Variants in CCDC71 observed in about 807,000 individuals in gnomAD.
The protein encoded by CCDC71 is coiled-coil domain containing 71.
For missense variants in CCDC71, 594 were observed against 604.0 expected (o/e 0.98, Z 0.17); for synonymous variants, 257 against 242.2 (o/e 1.06, Z -0.57).
At chr3:49,164,919 C>T (rs989904114) in intron 1 of CCDC71, among the ~76,000 whole-genome samples, 3 of 152,096 alleles carry the variant, frequency 2.0e-5, no homozygotes, top group Non-Finnish European at 1.5e-5. Context: ...GCCAAAGGGC[C>T]CAGACTTACA....
chr3:49,164,370 CAG>C, intron 1 of CCDC71, 110 bp from the exon 2 acceptor site: 1 of 664,132 alleles, frequency 1.5e-6, no homozygotes. Context: ...GGAATCTGGC[CAG>C]AGTGAGACAC....
At chr3:49,165,733 T>C (rs891152577) in intron 1 of CCDC71, among the ~76,000 whole-genome samples, 3 of 152,274 alleles carry the variant, frequency 2.0e-5, no homozygotes, top group African/African-American at 4.8e-5. Flanking sequence ...CTGTGAACTG[T>C]AGAAGAGAGA....
chr3:49,164,864 T>C (rs1186602203), intron 1 of CCDC71, among the ~76,000 whole-genome samples: 1 of 152,010 alleles, frequency 6.6e-6, no homozygotes, highest in Non-Finnish European at 1.5e-5. Context: ...GGGATCTAGG[T>C]GAAAAAACAG....
rs760460920 is a variant in CCDC71 at position 49,162,605 on chromosome 3, G to A, written c.*200C>T. ...TGAATAACAAGTCACAGTGCATCGC[G>A]CCATGAAAACACCCCTCCCGCCCAC... On this transcript the variant is annotated 3_prime_UTR_variant, in exon 2 of 2. Transcript: ENST00000321895. The A allele has an allele frequency of 1.1e-4, 63 of 589,900 alleles. No homozygotes were observed. The highest frequency in any genetic ancestry group is 2.7e-4 in the Admixed American group (9 of 33,390). 36.5% of individuals were successfully genotyped at this position (589,900 alleles called of 1,614,324 possible). A position where few individuals can be genotyped will look rare whatever the true frequency, so the allele number is the denominator to read the frequency against.
intron 1 of CCDC71, among the ~76,000 whole-genome samples, chr3:49,164,508 G>A (rs1410335893): frequency 2.0e-5 from 3 of 152,130 alleles, no homozygotes; most frequent in Non-Finnish European, 2.9e-5. Context: ...ACCTGCTGCC[G>A]GGTCCCTGAA....
chr3:49,162,736 T>C lies in CCDC71; in HGVS notation c.*69A>G, dbSNP rs2045697921. 6 of 1,470,978 alleles carry C rather than the reference T, an allele frequency of 4.1e-6. No homozygotes were observed. Among genetic ancestry groups the C allele is most frequent in the South Asian group, 2.6e-5 (2 of 77,916 alleles). The allele number at this position is 1,470,978 out of a possible 1,614,324, so 91.1% of individuals were successfully genotyped here. The stretch of plus-strand genomic sequence containing the variant: ...CTCAAGATTGTGGAGTCCACGGACA[T>C]AGCACACTGTGCCACTAGCCACACA... On this transcript the variant is annotated 3_prime_UTR_variant, in exon 2 of 2. Transcript: ENST00000321895.
intron 1 of CCDC71, among the ~76,000 whole-genome samples, chr3:49,165,838 G>C (rs1256949871): frequency 1.3e-5 from 2 of 152,232 alleles, no homozygotes; most frequent in Non-Finnish European, 2.9e-5. Context: ...TCTTGGGAGG[G>C]GTTTTCTGGG....
Position 49,163,180 on chromosome 3 carries a change from CTTGGCCTTGGCCCATGCTGCCATGACT to C in CCDC71, c.1002_1028del (p.Val335_Lys343del), listed in dbSNP as rs773541022. The C allele has an allele frequency of 8.3e-6, 13 of 1,568,700 alleles. No homozygotes were observed. Among genetic ancestry groups the C allele is most frequent in the Admixed American group, 5.2e-5 (3 of 57,206 alleles). ...TGGCCCGTACTGCCTTGGCTTTAGC[CTTGGCCTTGGCCCATGCTGCCATGACT>C]TTGGCCTTGGCCTTGACCTGTGCTG... On this transcript the variant is annotated inframe_deletion, in exon 2 of 2. Coordinates refer to ENST00000321895, the MANE Select transcript of CCDC71 (RefSeq NM_022903.4).
At position 49,166,018 on chromosome 3, in the gene CCDC71, C is replaced by T. The variant is rs2045722312; in HGVS notation, c.-53+249G>A. 6.6e-6 allele frequency among the ~76,000 whole-genome samples: 1 copy of T among 152,186 alleles called. No homozygotes were observed. Among genetic ancestry groups the T allele is most frequent in the Admixed American group, 6.5e-5 (1 of 15,280 alleles). On this transcript the variant is annotated intron_variant, in intron 1 of 1. Coordinates refer to ENST00000321895, the MANE Select transcript of CCDC71 (RefSeq NM_022903.4). The surrounding 1 kb of genome is among the most constrained non-coding windows in gnomAD (Gnocchi z 4.0). ...GGGCCCTCAGGCTGGGAATGCACGT[C>T]CTTAGGGCCCAAGCCGTGAGGCGGG...
chr3:49,162,857 T>C lies in CCDC71; in HGVS notation c.1352A>G (p.Asn451Ser). The change falls in exon 2 of 2, where the codon AAC becomes AGC. Residue 451 changes from asparagine (N) to serine (S), a missense_variant. Asn to Ser is a conservative substitution (Grantham distance 46, BLOSUM62 1). Coordinates refer to ENST00000321895, the MANE Select transcript of CCDC71 (RefSeq NM_022903.4). Reference protein sequence around the residue: ...RQRAQRILRVNLSPVIRLQPL... With the variant: ...RQRAQRILRVSLSPVIRLQPL... ...CTGGAGCCGTATTACAGGTGACAGG[T>C]TCACGCGGAGGATCCGCTGAGCCCG... 6.2e-7 allele frequency: 1 copy of C among 1,613,958 alleles called. No homozygotes were observed. The highest frequency in any genetic ancestry group is 8.5e-7 in the Non-Finnish European group (1 of 1,180,006).
chr3:49,163,506 C>T lies in CCDC71; in HGVS notation c.703G>A (p.Gly235Ser), dbSNP rs771846697. 1 of 1,614,212 alleles carries T rather than the reference C, an allele frequency of 6.2e-7. No homozygotes were observed. Among genetic ancestry groups the T allele is most frequent in the South Asian group, 1.1e-5 (1 of 91,088 alleles). Reference protein sequence around the residue: ...PKAPRKTTSKGPKCLTRKGPG... With the variant: ...PKAPRKTTSKSPKCLTRKGPG... The stretch of plus-strand genomic sequence containing the variant: ...CCTTTGCGAGTCAGACACTTGGGGC[C>T]CTTGCTTGTGGTTTTTCTGGGAGCT... The change falls in exon 2 of 2, where the codon GGC becomes AGC. Residue 235 changes from glycine (G) to serine (S), a missense_variant. Gly to Ser is a moderately conservative substitution (Grantham distance 56). Coordinates refer to ENST00000321895, the MANE Select transcript of CCDC71 (RefSeq NM_022903.4).
chr3:49,163,142 G>A lies in CCDC71; in HGVS notation c.1067C>T (p.Ala356Val). 3.1e-6 allele frequency: 5 copies of A among 1,614,152 alleles called. No individual in the cohort carries two copies. Among genetic ancestry groups the A allele is most frequent in the Non-Finnish European group, 4.2e-6 (5 of 1,180,014 alleles). Residue 356 changes from alanine to valine, a missense_variant, in exon 2 of 2, where the codon GCT (alanine) becomes GTT (valine). Physicochemically the swap from Ala to Val is moderately conservative, Grantham distance 64 (BLOSUM62 0). Transcript: ENST00000321895. Reference protein sequence around the residue: ...AKAVRAKAKVARTQPRGRGRP... With the variant: ...AKAVRAKAKVVRTQPRGRGRP... ...GCCTCTGCCCCTGGGCTGGGTCCGAGCCACCTTGGCCTTGGCCCGTACTGC... is the reference window on the plus strand; with the variant it reads ...GCCTCTGCCCCTGGGCTGGGTCCGAACCACCTTGGCCTTGGCCCGTACTGC...
At position 49,163,576 on chromosome 3, in the gene CCDC71, T is replaced by C. The variant is rs747664453; in HGVS notation, c.633A>G (p.Lys211=). ...LQLSLADSPL[K]LRKSSGKGPG... is the part of the protein sequence containing the mutation. Reference sequence around the variant, plus strand: ...GACCCTTCCCTGAACTTTTCCGCAGTTTCAGAGGAGAGTCTGCAAGTGAGA... The same window carrying C: ...GACCCTTCCCTGAACTTTTCCGCAGCTTCAGAGGAGAGTCTGCAAGTGAGA... The change falls in exon 2 of 2, where the codon AAA becomes AAG. Residue 211 remains lysine, a synonymous_variant. Coordinates refer to ENST00000321895, the MANE Select transcript of CCDC71 (RefSeq NM_022903.4). The C allele has an allele frequency of 6.2e-7, 1 of 1,614,188 alleles. No individual in the cohort carries two copies. Among genetic ancestry groups the C allele is most frequent in the South Asian group, 1.1e-5 (1 of 91,082 alleles).
At position 49,162,730 on chromosome 3, in the gene CCDC71, C is replaced by T. The variant is rs1476360496; in HGVS notation, c.*75G>A. On this transcript the variant is annotated 3_prime_UTR_variant, in exon 2 of 2. Transcript: ENST00000321895. ...GGAGTCCTCAAGATTGTGGAGTCCA[C>T]GGACATAGCACACTGTGCCACTAGC... 1.5e-5 allele frequency: 21 copies of T among 1,371,236 alleles called. No individual in the cohort carries two copies. Among genetic ancestry groups the T allele is most frequent in the African/African-American group, 5.9e-5 (4 of 68,328 alleles). 84.9% of individuals were successfully genotyped at this position (1,371,236 alleles called of 1,614,324 possible).
In CCDC71 at chr3:49,162,551, G is replaced by C; in HGVS notation, c.*254C>G. The stretch of plus-strand genomic sequence containing the variant: ...ACTGGAAGGTGGAAAGGTATAAAAC[G>C]TGATAGATGGAACAGTAGACATACA... On this transcript the variant is annotated 3_prime_UTR_variant, in exon 2 of 2. Transcript: ENST00000321895. The C allele has an allele frequency of 1.8e-6, 1 of 553,966 alleles. No individual in the cohort carries two copies. The highest frequency in any genetic ancestry group is 3.2e-6 in the Non-Finnish European group (1 of 310,310). 34.3% of individuals were successfully genotyped at this position (553,966 alleles called of 1,614,324 possible).
intron 1 of CCDC71, among the ~76,000 whole-genome samples, chr3:49,165,665 C>A (rs2107655032): frequency 6.6e-6 from 1 of 152,394 alleles, no homozygotes; most frequent in South Asian, 2.1e-4. Context: ...CAAGCACAAT[C>A]CTTGCACATG....
At position 49,163,586 on chromosome 3, in the gene CCDC71, G is replaced by A. The variant is rs769387620; in HGVS notation, c.623C>T (p.Ser208Phe). 2 of 1,614,238 alleles carry A rather than the reference G, an allele frequency of 1.2e-6. No individual in the cohort carries two copies. The highest frequency in any genetic ancestry group is 1.7e-6 in the Non-Finnish European group (2 of 1,180,046). The change falls in exon 2 of 2, where the codon TCT (serine) becomes TTT (phenylalanine). Residue 208 changes from serine to phenylalanine, a missense_variant. By Grantham distance (155) the Ser-to-Phe change is radical (BLOSUM62 -2). Transcript: ENST00000321895. Reference protein sequence around the residue: ...AQSLQLSLADSPLKLRKSSGK... With the variant: ...AQSLQLSLADFPLKLRKSSGK... ...TGAACTTTTCCGCAGTTTCAGAGGA[G>A]AGTCTGCAAGTGAGAGCTGCAGTGA...
Position 49,164,098 on chromosome 3 carries a change from C to T in CCDC71, c.111G>A (p.Met37Ile). The change falls in exon 2 of 2, where the codon ATG (methionine) becomes ATA (isoleucine). Residue 37 changes from methionine to isoleucine, a missense_variant. Transcript: ENST00000321895. ...LEEALLVFNP[M>I]SQDLSATEAQ... ...CCTCTGTGGCACTGAGATCCTGGCT[C>T]ATTGGGTTAAAGACAAGCAGTGCCT... 1 of 1,614,046 alleles carries T rather than the reference C, an allele frequency of 6.2e-7. No homozygotes were observed. Among genetic ancestry groups the T allele is most frequent in the South Asian group, 1.1e-5 (1 of 91,082 alleles).
chr3:49,165,541 C>G (rs1161660227), intron 1 of CCDC71, among the ~76,000 whole-genome samples: 2 of 152,254 alleles, frequency 1.3e-5, no homozygotes, highest in African/African-American at 2.4e-5. Context: ...CGCTCTAATG[C>G]AGCAGATGAA....
Sources: allele counts gnomAD v4.1 joint callset (sites outside exome capture counted in the v4.1 genomes callset), GRCh38; gene constraint gnomAD v4.1.1; non-coding constraint Gnocchi (gnomAD v3.1); transcripts MANE v1.5; gene names NCBI Gene and HGNC (gene_info 2026-07-23, HGNC 2026-07-21).